ITGBL1: variants seen among roughly 807,000 people sequenced by gnomAD.
ITGBL1 encodes integrin beta-like protein 1.
In ITGBL1, 51 loss-of-function variants were observed where a neutral mutation model predicts 68.5. The ratio of observed to expected loss-of-function variants is 0.74; its 90% CI spans 0.59 to 0.94. The LOEUF is 0.94. ITGBL1 is among the 40% of genes least tolerant of loss of function. The pLI is 0.00. For synonymous variants in ITGBL1, 209 were observed against 227.3 expected, an observed-to-expected ratio of 0.92 and a Z score of 0.72; for missense variants, 649 against 647.4, an observed-to-expected ratio of 1.00 and a Z score of -0.03.
At chr13:101,617,243 C>T (rs2031401088) in intron 7 of ITGBL1, among the ~76,000 whole-genome samples, 1 of 151,948 alleles carries the variant, frequency 6.6e-6, no homozygotes, top group South Asian at 2.1e-4. Flanking sequence ...GTTTTTGATT[C>T]TGCTTTTAAA....
In ITGBL1 at chr13:101,550,455, G is replaced by T. The variant is rs144704343; in HGVS notation, c.317-17244G>T. Among the ~76,000 whole-genome samples, 415 of 152,158 alleles carry T rather than the reference G, an allele frequency of 2.7e-3. 2 individuals are homozygous for T. Among genetic ancestry groups the T allele is most frequent in the African/African-American group, 9.1e-3 (376 of 41,536 alleles). ...TTGGTTCTCATTGTGTTGCCTTTTG[G>T]GAAGTAAAACTTGATAACTATCTCA... On this transcript the variant is annotated intron_variant, in intron 2 of 10. Transcript: ENST00000376180.
chr13:101,482,894 A>C (rs9557673), intron 2 of ITGBL1, among the ~76,000 whole-genome samples: 29,666 of 152,106 alleles, frequency 0.2, 3,465 homozygotes, highest in East Asian at 0.43. Flanking sequence ...GGACTTGTTA[A>C]AACTGTGAAT....
At chr13:101,694,137 C>G (rs1475736776) in intron 8 of ITGBL1, among the ~76,000 whole-genome samples, 1 of 152,142 alleles carries the variant, frequency 6.6e-6, no homozygotes, top group Non-Finnish European at 1.5e-5. Flanking sequence ...TTCCTTATGT[C>G]AGTCACAGTT....
intron 7 of ITGBL1, among the ~76,000 whole-genome samples, chr13:101,692,119 T>C (rs1231917840): frequency 1.3e-5 from 2 of 152,190 alleles, no homozygotes; most frequent in African/African-American, 2.4e-5. Context: ...AAATAGTCAC[T>C]AAAATAGCAC....
chr13:101,706,296 T>C (rs1412796436), intron 8 of ITGBL1, among the ~76,000 whole-genome samples: 2 of 152,160 alleles, frequency 1.3e-5, no homozygotes, highest in Non-Finnish European at 2.9e-5. Flanking sequence ...ACTAATATAG[T>C]ACCAAATGCC....
At position 101,615,830 on chromosome 13, in the gene ITGBL1, G is replaced by A. The variant is rs190324301; in HGVS notation, c.1015+17531G>A. Reference sequence around the variant, plus strand: ...ATAAAATAATAAATAAATAACAAAAGAGACCCCAGAAAGCTAGCTTGACAA... The same window carrying A: ...ATAAAATAATAAATAAATAACAAAAAAGACCCCAGAAAGCTAGCTTGACAA... On this transcript the variant is annotated intron_variant, in intron 7 of 10. Transcript: ENST00000376180. 2.6e-3 allele frequency among the ~76,000 whole-genome samples: 394 copies of A among 152,128 alleles called. 1 individual carries two copies. Among genetic ancestry groups the A allele is most frequent in the African/African-American group, 9.0e-3 (375 of 41,518 alleles).
chr13:101,672,892 G>C (rs2033412103), intron 7 of ITGBL1, among the ~76,000 whole-genome samples: 1 of 152,126 alleles, frequency 6.6e-6, no homozygotes, highest in South Asian at 2.1e-4. Context: ...TTCACTTGTA[G>C]GTTCCTCCAA....
intron 7 of ITGBL1, among the ~76,000 whole-genome samples, chr13:101,634,379 G>T (rs959664562): frequency 1.3e-5 from 2 of 152,022 alleles, no homozygotes; most frequent in Non-Finnish European, 2.9e-5. Context: ...TTGGTATTTT[G>T]GTTGCTAATG....
chr13:101,672,865 C>T (rs761457122), intron 7 of ITGBL1, among the ~76,000 whole-genome samples: 14 of 152,150 alleles, frequency 9.2e-5, no homozygotes, highest in Non-Finnish European at 1.9e-4. Flanking sequence ...GGTATTTACC[C>T]CAGACAATGA....
intron 2 of ITGBL1, among the ~76,000 whole-genome samples, chr13:101,504,078 G>C (rs572483523): frequency 6.6e-6 from 1 of 152,136 alleles, no homozygotes; most frequent in Admixed American, 6.6e-5. Flanking sequence ...ATTAAAAAAT[G>C]AACTGTAAAT....
In ITGBL1 at chr13:101,705,700, G is replaced by A. The variant is rs2034248021; in HGVS notation, c.1133-1056G>A. Among the ~76,000 whole-genome samples the A allele has an allele frequency of 2.0e-5, 3 of 152,162 alleles. No homozygotes were observed. In the South Asian group the frequency reaches 6.2e-4, roughly 32 times the overall value. Reference sequence around the variant, plus strand: ...CCTCCCTGTGGAGAGCTGAATGGAGGGGGAGCAGATGGAGCAAGGTTCACT... The same window carrying A: ...CCTCCCTGTGGAGAGCTGAATGGAGAGGGAGCAGATGGAGCAAGGTTCACT... On this transcript the variant is annotated intron_variant, in intron 8 of 10. Coordinates refer to ENST00000376180, the MANE Select transcript of ITGBL1 (RefSeq NM_004791.3).
At chr13:101,491,584 A>G (rs2048777719) in intron 2 of ITGBL1, among the ~76,000 whole-genome samples, 1 of 152,158 alleles carries the variant, frequency 6.6e-6, no homozygotes, top group South Asian at 2.1e-4. Context: ...TGTAAGATGA[A>G]AAATTCTGAA....
intron 3 of ITGBL1, among the ~76,000 whole-genome samples, chr13:101,569,133 C>T (rs1279659174): frequency 1.3e-5 from 2 of 152,114 alleles, no homozygotes; most frequent in African/African-American, 4.8e-5. Flanking sequence ...CGCACGCGCG[C>T]GCATGCCCCA....
intron 2 of ITGBL1, among the ~76,000 whole-genome samples, chr13:101,527,210 TATC>T (rs1192583813): frequency 2.0e-5 from 3 of 152,232 alleles, no homozygotes; most frequent in East Asian, 1.9e-4. Context: ...TACAAAACAA[TATC>T]ATCATCTCCA....
chr13:101,548,300 T>C (rs955414320), intron 2 of ITGBL1, among the ~76,000 whole-genome samples: 6 of 151,972 alleles, frequency 3.9e-5, no homozygotes, highest in Admixed American at 3.3e-4. Flanking sequence ...AAGGATACTA[T>C]GCTATTACTA....
At chr13:101,543,637 A>G (rs140025576) in intron 2 of ITGBL1, among the ~76,000 whole-genome samples, 1 of 152,152 alleles carries the variant, frequency 6.6e-6, no homozygotes, top group Non-Finnish European at 1.5e-5. Flanking sequence ...CTGCTGGATA[A>G]TATCCTGCAG....
chr13:101,614,328 A>C (rs1198340744), intron 7 of ITGBL1, among the ~76,000 whole-genome samples: 1 of 152,168 alleles, frequency 6.6e-6, no homozygotes, highest in Admixed American at 6.5e-5. Flanking sequence ...TAGAATAGCC[A>C]TGGTGATATT....
At chr13:101,456,822 G>C (rs146802229) in intron 2 of ITGBL1, among the ~76,000 whole-genome samples, 242 of 152,310 alleles carry the variant, frequency 1.6e-3, no homozygotes, top group African/African-American at 5.4e-3. Flanking sequence ...GGCTGAGGCA[G>C]GAGAATCGCT....
At chr13:101,569,220 G>A (rs111856774) in intron 3 of ITGBL1, among the ~76,000 whole-genome samples, 13 of 152,026 alleles carry the variant, frequency 8.6e-5, no homozygotes, top group African/African-American at 2.9e-4. Context: ...TTTTGGGTTT[G>A]AAATCTATTT....
Sources: gnomAD v4.1 joint callset for allele counts (sites outside exome capture counted in the v4.1 genomes callset) on GRCh38, gnomAD v4.1.1 for gene constraint, MANE v1.5 for transcripts, NCBI Gene and HGNC (gene_info 2026-07-23, HGNC 2026-07-21) for gene names.